Variants in RXFP1 observed in about 807,000 individuals in gnomAD.
RXFP1 encodes relaxin family peptide receptor 1.
RXFP1 carries 73 observed loss-of-function variants against 89.8 expected under a neutral mutation model. The ratio of observed to expected loss-of-function variants is 0.81; its 90% confidence interval spans 0.67 to 0.99. The LOEUF is 0.99. Among genes scored for constraint, RXFP1 ranks in the 50% least tolerant of loss-of-function variants. RXFP1 has a pLI of 0.00. For synonymous variants in RXFP1, 277 were observed against 305.5 expected, an observed-to-expected ratio of 0.91 and a Z score of 0.97; for missense variants, 793 against 895.5, an observed-to-expected ratio of 0.89 and a Z score of 1.46.
At chr4:158,603,650 C>T (rs1001377223) in intron 4 of RXFP1, among the ~76,000 whole-genome samples, 12 of 151,446 alleles carry the variant, frequency 7.9e-5, no homozygotes, top group Admixed American at 3.9e-4. Context: ...CCAGCACTTT[C>T]GGAGGCCGAG....
At position 158,648,886 on chromosome 4, in the gene RXFP1, G is replaced by A. The variant is rs1221583685; in HGVS notation, c.1975+169G>A. Among the ~76,000 whole-genome samples, 2 of 152,214 alleles carry A rather than the reference G, an allele frequency of 1.3e-5. 1 individual carries two copies. The highest frequency in any genetic ancestry group is 1.3e-4 in the Admixed American group (2 of 15,284). ...CCAGCACTCTGGGAGGCCAAGACGG[G>A]CAGCTCACTTGAGGTCAGGAGTTTG... On this transcript the variant is annotated intron_variant, in intron 17 of 17. Coordinates refer to ENST00000307765, the MANE Select transcript of RXFP1 (RefSeq NM_021634.4).
intron 3 of RXFP1, among the ~76,000 whole-genome samples, chr4:158,598,282 T>C (rs1026444767): frequency 2.6e-5 from 4 of 152,240 alleles, no homozygotes; most frequent in African/African-American, 9.6e-5. Context: ...ATTGTATTTA[T>C]GGCTTCTTTG....
At chr4:158,579,630 A>G (rs1370020998) in intron 2 of RXFP1, among the ~76,000 whole-genome samples, 1 of 152,214 alleles carries the variant, frequency 6.6e-6, no homozygotes, top group Non-Finnish European at 1.5e-5. Context: ...GGAACAATGC[A>G]TGTTAGGACA....
At position 158,646,970 on chromosome 4, in the gene RXFP1, G is replaced by GA; in HGVS notation, c.1530dup (p.Tyr511IlefsTer9). 1 of 1,614,076 alleles carries GA rather than the reference G, an allele frequency of 6.2e-7. No homozygotes were observed. Among genetic ancestry groups the GA allele is most frequent in the Admixed American group, 1.7e-5 (1 of 60,008 alleles). On this transcript the variant is annotated frameshift_variant, in exon 16 of 18. Coordinates refer to ENST00000307765, the MANE Select transcript of RXFP1 (RefSeq NM_021634.4). LOFTEE classifies it high-confidence loss of function. ...TTTACTGTTAACATTTCTGACATTG[G>GA]AAAAATACATCTGCATTGTCTATCC...
At chr4:158,550,085 TG>T (rs1171251027) in intron 1 of RXFP1, among the ~76,000 whole-genome samples, 1 of 152,244 alleles carries the variant, frequency 6.6e-6, no homozygotes, top group African/African-American at 2.4e-5. Context: ...CTCCTTGAGC[TG>T]TGGTGGGCTC....
intron 1 of RXFP1, among the ~76,000 whole-genome samples, chr4:158,541,756 C>T (rs1032925803): frequency 4.6e-4 from 70 of 152,032 alleles, no homozygotes; most frequent in African/African-American, 1.6e-3. Flanking sequence ...AGCACTTGAG[C>T]ATGTATCTCC....
At chr4:158,623,828 C>T (rs1273940301) in intron 9 of RXFP1, among the ~76,000 whole-genome samples, 2 of 152,050 alleles carry the variant, frequency 1.3e-5, no homozygotes, top group Non-Finnish European at 2.9e-5. Context: ...CTTCTTTATC[C>T]AGAAAACAAA....
chr4:158,549,865 G>T (rs1352752662), intron 1 of RXFP1, among the ~76,000 whole-genome samples: 2 of 152,206 alleles, frequency 1.3e-5, no homozygotes, highest in Non-Finnish European at 2.9e-5. Flanking sequence ...CCCCTACTGG[G>T]GGGGTGCCTC....
In RXFP1 at chr4:158,564,985, A is replaced by G. The variant is rs536901010; in HGVS notation, c.50-7713A>G. Among the ~76,000 whole-genome samples, 4 of 152,220 alleles carry G rather than the reference A, an allele frequency of 2.6e-5. 1 individual carries two copies. The South Asian group carries it at 6.2e-4, about 24-fold the overall frequency. On this transcript the variant is annotated intron_variant, in intron 1 of 17. Coordinates refer to ENST00000307765, the MANE Select transcript of RXFP1 (RefSeq NM_021634.4). Reference sequence around the variant, plus strand: ...GCCATTTGGTGGATCAGAAGGAGGTATTTTTCTGTGTTGAGTGTGACAGAG... The same window carrying G: ...GCCATTTGGTGGATCAGAAGGAGGTGTTTTTCTGTGTTGAGTGTGACAGAG...
chr4:158,646,679 T>C, intron 15 of RXFP1, 112 bp from the exon 16 acceptor site: 1 of 1,466,546 alleles, frequency 6.8e-7, no homozygotes, highest in Non-Finnish European at 9.0e-7. Context: ...TACCTCTTCC[T>C]AAGTTGGAAG....
At chr4:158,619,088 C>A (rs974674996) in intron 9 of RXFP1, among the ~76,000 whole-genome samples, 17 of 146,118 alleles carry the variant, frequency 1.2e-4, no homozygotes, top group Non-Finnish European at 2.1e-4. Flanking sequence ...AAAATGTGAT[C>A]ACACACACAC....
chr4:158,547,319 A>T (rs911711574), intron 1 of RXFP1, among the ~76,000 whole-genome samples: 4 of 151,348 alleles, frequency 2.6e-5, no homozygotes, highest in Admixed American at 2.6e-4. Flanking sequence ...TTTTTATTGC[A>T]TCTATTTGAT....
intron 1 of RXFP1, among the ~76,000 whole-genome samples, chr4:158,561,626 C>CTTTTTTTTTTTTTTT (rs70962615): frequency 8.9e-6 from 1 of 112,620 alleles, no homozygotes; most frequent in African/African-American, 3.3e-5. Context: ...TTCTTTTTTT[C>CTTTTTTTTTTTTTTT]TTTTTTTTTT....
chr4:158,618,076 T>A (rs970208638), intron 9 of RXFP1, among the ~76,000 whole-genome samples: 31 of 152,114 alleles, frequency 2.0e-4, no homozygotes, highest in African/African-American at 6.5e-4. Flanking sequence ...TTCTGAAAAG[T>A]TACTAAGTCC....
At chr4:158,618,322 G>A (rs561138663) in intron 9 of RXFP1, among the ~76,000 whole-genome samples, 56 of 152,060 alleles carry the variant, frequency 3.7e-4, no homozygotes, top group African/African-American at 1.2e-3. Context: ...AAGCAACTGT[G>A]TGCAGTATTA....
intron 2 of RXFP1, among the ~76,000 whole-genome samples, chr4:158,586,930 T>C (rs1758409691): frequency 6.6e-6 from 1 of 152,022 alleles, no homozygotes; most frequent in African/African-American, 2.4e-5. Flanking sequence ...AAATTGTCTA[T>C]TTGTAAAAGC....
At chr4:158,582,893 G>A (rs148215400) in intron 2 of RXFP1, among the ~76,000 whole-genome samples, 1 of 152,330 alleles carries the variant, frequency 6.6e-6, no homozygotes, top group East Asian at 1.9e-4. Context: ...GCAAAGCTCA[G>A]CTCTTCTCTT....
intron 9 of RXFP1, among the ~76,000 whole-genome samples, chr4:158,626,465 G>A (rs1040499605): frequency 6.6e-6 from 1 of 151,994 alleles, no homozygotes; most frequent in Non-Finnish European, 1.5e-5. Context: ...GGTAACTTTG[G>A]ACAAATGTTT....
chr4:158,562,550 A>AAAAAAAAAAC, intron 1 of RXFP1, among the ~76,000 whole-genome samples: 1 of 148,242 alleles, frequency 6.7e-6, no homozygotes, highest in South Asian at 2.2e-4. Flanking sequence ...AAAAAAAAAA[A>AAAAAAAAAAC]ATACACATAT....
Sources: allele counts gnomAD v4.1 joint callset (sites outside exome capture counted in the v4.1 genomes callset), GRCh38; gene constraint gnomAD v4.1.1; transcripts MANE v1.5; gene names NCBI Gene and HGNC (gene_info 2026-07-23, HGNC 2026-07-21).